The following USP9X variants were observed in gnomAD, a reference collection of about 807,000 sequenced individuals.
USP9X encodes ubiquitin carboxyl-terminal hydrolase 9X.
In USP9X, 7 loss-of-function variants were observed where a neutral mutation model predicts 190.3. The ratio of observed to expected loss-of-function variants is 0.04; its 90% CI spans 0.02 to 0.07. The LOEUF is 0.07. USP9X is among the 10% of genes least tolerant of loss of function. The pLI is 1.00. For missense variants in USP9X, 1,010 were observed against 1,916.9 expected, an observed-to-expected ratio of 0.53 and a Z score of 8.83; for synonymous variants, 645 against 659.5, an observed-to-expected ratio of 0.98 and a Z score of 0.34.
intron 26 of USP9X, among the ~76,000 whole-genome samples, chrX:41,190,711 A>T (rs938268853): frequency 9.0e-6 from 1 of 111,496 alleles, no homozygotes; most frequent in Non-Finnish European, 1.9e-5. Context: ...CTATTAAGGA[A>T]CTTGATTTAA....
At chrX:41,208,368 A>G (rs1440964758) in intron 32 of USP9X, among the ~76,000 whole-genome samples, 1 of 111,271 alleles carries the variant, frequency 9.0e-6, no homozygotes, top group East Asian at 2.8e-4. Flanking sequence ...TTCAGTTACA[A>G]TTTTTTCTCT....
chrX:41,157,930 G>A (rs1261821801), intron 14 of USP9X, among the ~76,000 whole-genome samples: 1 of 111,856 alleles, frequency 8.9e-6, no homozygotes, highest in Non-Finnish European at 1.9e-5. Context: ...GGATAGTAAA[G>A]AGAAATTATT....
chrX:41,207,066 A>G (rs1033903395), intron 32 of USP9X, among the ~76,000 whole-genome samples: 1 of 92,421 alleles, frequency 1.1e-5, no homozygotes, highest in East Asian at 3.4e-4. Context: ...GGCATGAGCT[A>G]CTGCTCCCTG....
intron 25 of USP9X, among the ~76,000 whole-genome samples, chrX:41,188,969 A>G (rs1020997228): frequency 8.9e-6 from 1 of 112,333 alleles, no homozygotes; most frequent in Non-Finnish European, 1.9e-5. Flanking sequence ...GGAACTAGTC[A>G]AAAGTACCTA....
At chrX:41,164,156 C>A (rs773070514) in intron 15 of USP9X, among the ~76,000 whole-genome samples, 6 of 111,664 alleles carry the variant, frequency 5.4e-5, no homozygotes, top group Non-Finnish European at 1.1e-4. Flanking sequence ...AGGTGTAAGC[C>A]ACCGTGCCTG....
At position 41,109,829 on chromosome X, in the gene USP9X, TATC is replaced by T. The variant is rs2062096015; in HGVS notation, c.-158-13639_-158-13637del. On this transcript the variant is annotated intron_variant, in intron 1 of 44. Transcript: ENST00000378308. ...ATCTTGACTGGCTTTGGGTATAATT[TATC>T]ATAATGTGTGATAAGAATGATAAAG... Among the ~76,000 whole-genome samples, 3 of 111,685 alleles carry T rather than the reference TATC, an allele frequency of 2.7e-5. No homozygotes were observed. The Admixed American group carries it at 2.9e-4, about 11-fold the overall frequency.
chrX:41,197,331 T>TGGGCG, intron 28 of USP9X, 33 bp from the exon 29 acceptor site: 1 of 486,764 alleles, frequency 2.1e-6, no homozygotes, highest in Non-Finnish European at 2.9e-6. Flanking sequence ...TTTGATTTCT[T>TGGGCG]CCCCCCCCCA....
intron 12 of USP9X, among the ~76,000 whole-genome samples, chrX:41,148,861 C>T (rs752477137): frequency 4.5e-5 from 5 of 111,590 alleles, no homozygotes; most frequent in Non-Finnish European, 7.5e-5. Context: ...GAATAGAATT[C>T]GAATGTTAAA....
chrX:41,159,313 T>C (rs940875408), intron 14 of USP9X, among the ~76,000 whole-genome samples: 22 of 111,381 alleles, frequency 2.0e-4, no homozygotes, highest in African/African-American at 6.5e-5. Context: ...GATGAGGCTA[T>C]GGAGAAATTG....
At position 41,233,745 on chromosome X, in the gene USP9X, T is replaced by G. The variant is rs767405464; in HGVS notation, c.*1221T>G. On this transcript the variant is annotated 3_prime_UTR_variant, in exon 45 of 45. Coordinates refer to ENST00000378308, the MANE Select transcript of USP9X (RefSeq NM_001039591.3). Reference sequence around the variant, plus strand: ...AGGGTCTCATTAAAAAAGAAACTACTGGTTGATATAATTGAGATATTACAA... The same window carrying G: ...AGGGTCTCATTAAAAAAGAAACTACGGGTTGATATAATTGAGATATTACAA... 8.9e-6 allele frequency: 1 copy of G among 112,217 alleles called. No individual in the cohort carries two copies. The highest frequency in any genetic ancestry group is 1.9e-5 in the Non-Finnish European group (1 of 53,207). The allele number at this position is 112,217 out of a possible 1,213,427, so 9.2% of individuals were successfully genotyped here.
chrX:41,154,682 A>C (rs1409949202), intron 14 of USP9X, among the ~76,000 whole-genome samples: 3 of 111,788 alleles, frequency 2.7e-5, no homozygotes, highest in Non-Finnish European at 5.6e-5. Context: ...GTGAGTCTGC[A>C]TAGTTGCCTA....
intron 9 of USP9X, among the ~76,000 whole-genome samples, chrX:41,142,525 G>A (rs772237650): frequency 9.0e-6 from 1 of 111,707 alleles, no homozygotes; most frequent in South Asian, 3.7e-4. Context: ...ACAAATATCT[G>A]CAACAGATTA....
chrX:41,136,221 G>A (rs1211873384), intron 5 of USP9X, among the ~76,000 whole-genome samples: 1 of 111,659 alleles, frequency 9.0e-6, no homozygotes, highest in Non-Finnish European at 1.9e-5. Context: ...GTGCAGTGGC[G>A]CCATCTTGGC....
intron 2 of USP9X, 126 bp downstream of exon 2, chrX:41,123,850 C>T: frequency 4.9e-6 from 3 of 615,393 alleles, no homozygotes; most frequent in South Asian, 3.1e-5. Context: ...TGAGACCAGC[C>T]TGGTCAACAG....
At chrX:41,194,495 A>T (rs907268003) in intron 26 of USP9X, among the ~76,000 whole-genome samples, 4 of 111,373 alleles carry the variant, frequency 3.6e-5, no homozygotes, top group African/African-American at 1.3e-4. Context: ...CGGAGGTTGC[A>T]GTGAGCCGAG....
At chrX:41,125,684 A>ACACACACACACACACTCTCTCTCTCT in intron 2 of USP9X, among the ~76,000 whole-genome samples, 10 of 19,011 alleles carry the variant, frequency 5.3e-4, no homozygotes, top group African/African-American at 6.6e-4. Flanking sequence ...ACACACACAC[A>ACACACACACACACACTCTCTCTCTCT]CTCTCTCTCT....
At position 41,181,864 on chromosome X, in the gene USP9X, G is replaced by C. The variant is rs1006773893; in HGVS notation, c.3149-2134G>C. Among the ~76,000 whole-genome samples the C allele has an allele frequency of 2.7e-5, 3 of 111,223 alleles. No homozygotes were observed. The East Asian group carries it at 8.4e-4, about 31-fold the overall frequency. ...CCCATCTTGGCTTCCCAAAGCTTAG[G>C]TATCTTTTCAAAAGGCTAGAAAGAA... On this transcript the variant is annotated intron_variant, in intron 21 of 44. Transcript: ENST00000378308.
chrX:41,136,053 T>A (rs760277012), intron 5 of USP9X, among the ~76,000 whole-genome samples: 1 of 112,900 alleles, frequency 8.9e-6, no homozygotes, highest in South Asian at 3.6e-4. Flanking sequence ...TGATTTAACA[T>A]GTAATTGTAT....
chrX:41,186,786 T>G lies in USP9X; in HGVS notation c.3684+144T>G, dbSNP rs1484646219. Reference sequence around the variant, plus strand: ...AGTACTTTCTGTTTTTAATCAACTTTATGTATAATAAACAGCATCCTTTTA... The same window carrying G: ...AGTACTTTCTGTTTTTAATCAACTTGATGTATAATAAACAGCATCCTTTTA... On this transcript the variant is annotated intron_variant, in intron 24 of 44. Transcript: ENST00000378308. The G allele has an allele frequency of 4.3e-6, 3 of 694,717 alleles. No homozygotes were observed. In the African/African-American group the frequency reaches 6.7e-5, roughly 15 times the overall value. 57.3% of individuals were successfully genotyped at this position (694,717 alleles called of 1,213,427 possible). A position where few individuals can be genotyped will look rare whatever the true frequency, so the allele number is the denominator to read the frequency against.
Sources: gnomAD v4.1 joint callset for allele counts (sites outside exome capture counted in the v4.1 genomes callset) on GRCh38, gnomAD v4.1.1 for gene constraint, MANE v1.5 for transcripts, NCBI Gene and HGNC (gene_info 2026-07-23, HGNC 2026-07-21) for gene names.